The following ADGRA2 variants were observed in gnomAD, a reference collection of about 807,000 sequenced individuals.
The protein encoded by ADGRA2 is adhesion G protein-coupled receptor A2.
ADGRA2 carries 61 observed loss-of-function variants against 98.7 expected under a neutral mutation model. That is an observed-to-expected ratio of 0.62 (90% CI 0.50 to 0.76). The LOEUF (loss-of-function observed/expected upper bound fraction) is 0.76, where lower values mean the gene tolerates loss of function less well. Ranked by LOEUF, ADGRA2 falls within the 30% of genes least tolerant of loss-of-function variation. The pLI is 0.00. For synonymous variants in ADGRA2, 858 were observed against 831.5 expected, an observed-to-expected ratio of 1.03 and a Z score of -0.55; for missense variants, 1,712 against 1,860.0, an observed-to-expected ratio of 0.92 and a Z score of 1.46.
intron 12 of ADGRA2, 33 bp from the exon 13 acceptor site, chr8:37,835,521 T>C (rs1359195868): frequency 9.2e-6 from 14 of 1,517,864 alleles, no homozygotes; most frequent in Middle Eastern, 3.4e-4. Context: ...TAGGGGGTCC[T>C]GGTGTCTCTG....
At position 37,833,188 on chromosome 8, in the gene ADGRA2, G is replaced by T. The variant is rs1433929133; in HGVS notation, c.1276G>T (p.Val426Leu). ...TCTCTACACCAACGACATCACCAGG[G>T]TGCTGTACACCTTCGTGCTGGTGAG... ...HCLYTNDITR[V>L]LYTFVLMPIN... The change falls in exon 9 of 19, where the codon GTG becomes TTG. Residue 426 changes from valine to leucine, a missense_variant. Coordinates refer to ENST00000412232, the MANE Select transcript of ADGRA2 (RefSeq NM_032777.10). 1 of 1,612,510 alleles carries T rather than the reference G, an allele frequency of 6.2e-7. No individual in the cohort carries two copies. Among genetic ancestry groups the T allele is most frequent in the Non-Finnish European group, 8.5e-7 (1 of 1,179,542 alleles).
intron 15 of ADGRA2, 80 bp downstream of exon 15, chr8:37,839,163 T>G (rs1805714410): frequency 6.5e-7 from 1 of 1,543,978 alleles, no homozygotes; most frequent in South Asian, 1.1e-5. Flanking sequence ...CGTCCTATGC[T>G]CCGGTACATA....
At chr8:37,823,269 C>T (rs936052339) in intron 2 of ADGRA2, among the ~76,000 whole-genome samples, 5 of 150,414 alleles carry the variant, frequency 3.3e-5, no homozygotes, top group South Asian at 2.1e-4. Flanking sequence ...GGCATGATCA[C>T]GGCTCACTGC....
chr8:37,825,806 A>G (rs974411490), intron 2 of ADGRA2, among the ~76,000 whole-genome samples: 4 of 152,154 alleles, frequency 2.6e-5, no homozygotes, highest in African/African-American at 9.7e-5. Context: ...TCGGCTTCCC[A>G]TGGGTCCTTC....
In ADGRA2 at chr8:37,841,248, G is replaced by T. The variant is rs1405417245; in HGVS notation, c.2910G>T (p.Gly970=). 6.2e-7 allele frequency: 1 copy of T among 1,613,444 alleles called. No individual in the cohort carries two copies. Among genetic ancestry groups the T allele is most frequent in the Admixed American group, 1.7e-5 (1 of 60,014 alleles). ...AGNSRASLEA[G]EELRGSTRLR... ...ACAGCAGGGCCTCCCTGGAGGCAGG[G>T]GAGGAGCTGAGGGGTTCCACCAGGC... Residue 970 remains glycine (G), a synonymous_variant, in exon 19 of 19, where the codon GGG becomes GGT. Coordinates refer to ENST00000412232, the MANE Select transcript of ADGRA2 (RefSeq NM_032777.10). This position sits in a 1 kb window ranked among gnomAD's most constrained non-coding sequence, Gnocchi z 5.0.
At chr8:37,815,070 C>T in intron 2 of ADGRA2, 103 bp downstream of exon 2, 4 of 854,138 alleles carry the variant, frequency 4.7e-6, no homozygotes, top group East Asian at 2.4e-5. Context: ...ACTCCAGAAC[C>T]TGCCGGCCGA....
rs1563355432 is a variant in ADGRA2 at position 37,841,701 on chromosome 8, A to T, written c.3363A>T (p.Pro1121=). The stretch of plus-strand genomic sequence containing the variant: ...GCCCCCCCTCCCTCAAGTCCTCCCC[A>T]AGCGGCAGCAGCGGCCATCCGCTGG... The part of the protein sequence containing the change: ...GEGPPSLKSS[P]SGSSGHPLAL... Residue 1121 remains proline, a synonymous_variant, in exon 19 of 19, where the codon CCA becomes CCT. Transcript: ENST00000412232. This position sits in a 1 kb window ranked among gnomAD's most constrained non-coding sequence, Gnocchi z 5.0. 1 of 1,540,128 alleles carries T rather than the reference A, an allele frequency of 6.5e-7. No homozygotes were observed. The highest frequency in any genetic ancestry group is 8.7e-7 in the Non-Finnish European group (1 of 1,143,232).
chr8:37,837,811 G>T lies in ADGRA2; in HGVS notation c.2131G>T (p.Ala711Ser). 1 of 1,542,958 alleles carries T rather than the reference G, an allele frequency of 6.5e-7. No individual in the cohort carries two copies. Residue 711 changes from alanine to serine, a missense_variant, in exon 14 of 19, where the codon GCT becomes TCT. Physicochemically the swap from Ala to Ser is moderately conservative, Grantham distance 99. Coordinates refer to ENST00000412232, the MANE Select transcript of ADGRA2 (RefSeq NM_032777.10). ...GGCTGAGGGAGCCGAACCTGTGGCC[G>T]CTTGGTGGAGCCAGGAGGGGCCCGG... ...HWAEGAEPVAAWWSQEGPGEA... is the reference protein window; with the variant it reads ...HWAEGAEPVASWWSQEGPGEA...
rs576391694 is a variant in ADGRA2, at chr8:37,835,522, G to A, written c.1834-32G>A. ...AGACATCAGTGCTCTAGGGGGTCCT[G>A]GTGTCTCTGAGGAGCTCCTATGTCC... On this transcript the variant is annotated intron_variant, in intron 12 of 18. Transcript: ENST00000412232. 1.1e-5 allele frequency: 16 copies of A among 1,518,396 alleles called. No homozygotes were observed. In the African/African-American group the frequency reaches 1.4e-4, roughly 13 times the overall value. 94.1% of individuals were successfully genotyped at this position (1,518,396 alleles called of 1,614,324 possible). A position where few individuals can be genotyped will look rare whatever the true frequency, so the allele number is the denominator to read the frequency against.
In ADGRA2 at chr8:37,835,382, C is replaced by G. The variant is rs751839090; in HGVS notation, c.1817C>G (p.Ser606Trp). The change falls in exon 12 of 19, where the codon TCG (serine) becomes TGG (tryptophan). Residue 606 changes from serine to tryptophan, a missense_variant. Ser to Trp is a radical substitution (Grantham distance 177). Coordinates refer to ENST00000412232, the MANE Select transcript of ADGRA2 (RefSeq NM_032777.10). ...ACCGGGAGGCCCAATGTTTCTCTGTCGTCCTTCCACATCAAGGTGGGCGCT... is the reference window on the plus strand; with the variant it reads ...ACCGGGAGGCCCAATGTTTCTCTGTGGTCCTTCCACATCAAGGTGGGCGCT... ...CTTGRPNVSL[S>W]SFHIKNSVAL... 2 of 1,610,706 alleles carry G rather than the reference C, an allele frequency of 1.2e-6. No homozygotes were observed. The highest frequency in any genetic ancestry group is 2.2e-5 in the South Asian group (2 of 90,930).
At chr8:37,831,368 C>T (rs1805447259) in intron 7 of ADGRA2, 55 bp from the exon 8 acceptor site, 2 of 1,564,358 alleles carry the variant, frequency 1.3e-6, no homozygotes, top group African/African-American at 2.7e-5. Flanking sequence ...TGAGGGAGGG[C>T]AACGTGGCTG....
rs987318659 is a variant in ADGRA2, at chr8:37,814,470, C to G, written c.267-426C>G. Among the ~76,000 whole-genome samples, 1 of 152,220 alleles carries G rather than the reference C, an allele frequency of 6.6e-6. No individual in the cohort carries two copies. The highest frequency in any genetic ancestry group is 1.5e-5 in the Non-Finnish European group (1 of 68,042). ...CCTGCCTCCAGACCTTCTGGGCATCCTGGCCCCGTTCAAGCCATTCTCCCC... is the reference window on the plus strand; with the variant it reads ...CCTGCCTCCAGACCTTCTGGGCATCGTGGCCCCGTTCAAGCCATTCTCCCC... On this transcript the variant is annotated intron_variant, in intron 1 of 18. Coordinates refer to ENST00000412232, the MANE Select transcript of ADGRA2 (RefSeq NM_032777.10). This position sits in a 1 kb window ranked among gnomAD's most constrained non-coding sequence, Gnocchi z 4.3.
chr8:37,829,470 G>T lies in ADGRA2; in HGVS notation c.483-18G>T. On this transcript the variant is annotated intron_variant, in intron 4 of 18. Transcript: ENST00000412232. ...GACACCCTAAGACCCCATCTCAGTT[G>T]TCCCCTGTTCCCTGCAGAAACATAT... 6.2e-7 allele frequency: 1 copy of T among 1,608,308 alleles called. No homozygotes were observed. Among genetic ancestry groups the T allele is most frequent in the South Asian group, 1.1e-5 (1 of 90,964 alleles).
Position 37,841,352 on chromosome 8 carries a change from C to T in ADGRA2, c.3014C>T (p.Pro1005Leu). The T allele has an allele frequency of 6.2e-7, 1 of 1,606,556 alleles. No individual in the cohort carries two copies. Among genetic ancestry groups the T allele is most frequent in the Non-Finnish European group, 8.5e-7 (1 of 1,176,928 alleles). Residue 1005 changes from proline to leucine, a missense_variant, in exon 19 of 19, where the codon CCC becomes CTC. By Grantham distance (98) the Pro-to-Leu change is moderately conservative. Transcript: ENST00000412232. The surrounding 1 kb of genome is among the most constrained non-coding windows in gnomAD (Gnocchi z 5.0). ...TGSARVGTPG[P>L]PEDGDSLYSP... ...AGCGCGCGAGTGGGGACGCCCGGGC[C>T]CCCGGAGGATGGTGACAGCCTCTAT...
At chr8:37,828,778 G>A in intron 2 of ADGRA2, 110 bp from the exon 3 acceptor site, 1 of 806,670 alleles carries the variant, frequency 1.2e-6, no homozygotes, top group South Asian at 1.7e-5. Context: ...AGGAAGTCAA[G>A]TCCCTGAGAA....
Position 37,830,842 on chromosome 8 carries a change from A to G in ADGRA2, c.851A>G (p.Asn284Ser), listed in dbSNP as rs1175727730. ...GACACCCGCATCCGCTGGTACCACA[A>G]CCGAGCCCCTGTGGAGGGTGATGAG... ...GNDTRIRWYH[N>S]RAPVEGDEQA... Residue 284 changes from asparagine to serine, a missense_variant, in exon 7 of 19, where the codon AAC becomes AGC. By Grantham distance (46) the Asn-to-Ser change is conservative. Coordinates refer to ENST00000412232, the MANE Select transcript of ADGRA2 (RefSeq NM_032777.10). This position sits in a 1 kb window ranked among gnomAD's most constrained non-coding sequence, Gnocchi z 4.8. 1 of 1,592,624 alleles carries G rather than the reference A, an allele frequency of 6.3e-7. No homozygotes were observed. The highest frequency in any genetic ancestry group is 1.1e-5 in the South Asian group (1 of 87,550).
chr8:37,836,093 A>AC (rs1805607952), intron 13 of ADGRA2, among the ~76,000 whole-genome samples: 1 of 110,072 alleles, frequency 9.1e-6, no homozygotes, highest in Admixed American at 9.2e-5. Context: ...ACACACACAC[A>AC]CACACCCCAC....
intron 1 of ADGRA2, among the ~76,000 whole-genome samples, chr8:37,813,874 CT>C (rs1034094449): frequency 2.6e-5 from 4 of 152,216 alleles, no homozygotes; most frequent in Admixed American, 6.5e-5. Context: ...TCTTTGCCAG[CT>C]CTTCTTAGGG....
Position 37,830,977 on chromosome 8 carries a change from C to T in ADGRA2, c.932+54C>T. The T allele has an allele frequency of 1.5e-6, 2 of 1,363,182 alleles. No homozygotes were observed. The highest frequency in any genetic ancestry group is 2.6e-5 in the South Asian group (2 of 77,608). The allele number at this position is 1,363,182 out of a possible 1,614,324, so 84.4% of individuals were successfully genotyped here. ...CTCAGCATGGGGTTAGGGGACCTAC[C>T]CTACCCGTCACCACCCCGCAAAAGA... On this transcript the variant is annotated intron_variant, in intron 7 of 18. Transcript: ENST00000412232. The surrounding 1 kb of genome is among the most constrained non-coding windows in gnomAD (Gnocchi z 4.8).
Sources: gnomAD v4.1 joint callset for allele counts (sites outside exome capture counted in the v4.1 genomes callset) on GRCh38, gnomAD v4.1.1 for gene constraint, Gnocchi (gnomAD v3.1) non-coding constraint, MANE v1.5 for transcripts, NCBI Gene and HGNC (gene_info 2026-07-23, HGNC 2026-07-21) for gene names.